Variants in NOD1 observed in about 807,000 individuals in gnomAD.
NOD1 encodes nucleotide-binding oligomerization domain-containing protein 1.
A neutral mutation model predicts 81.2 loss-of-function variants in NOD1; 70 were observed. That is an observed-to-expected ratio of 0.86 (90% CI 0.71 to 1.05). NOD1 has a LOEUF of 1.05. NOD1 is among the 50% of genes least tolerant of loss of function. The pLI is 0.00. For missense variants in NOD1, 1,233 were observed against 1,228.0 expected (o/e 1.00, Z -0.06); for synonymous variants, 508 against 526.9 (o/e 0.96, Z 0.49).
intron 10 of NOD1, 130 bp from the exon 11 acceptor site, chr7:30,436,211 C>T: frequency 1.5e-6 from 1 of 683,370 alleles, no homozygotes; most frequent in Non-Finnish European, 2.6e-6. Context: ...GGGCAGGATG[C>T]AGAAGTGTTC....
At chr7:30,427,149 C>A (rs955206837) in intron 13 of NOD1, among the ~76,000 whole-genome samples, 1 of 152,306 alleles carries the variant, frequency 6.6e-6, no homozygotes, top group Admixed American at 6.5e-5. Flanking sequence ...CAGCACTAGT[C>A]CCTAGGACCT....
At chr7:30,434,499 A>C (rs1167616981) in intron 11 of NOD1, among the ~76,000 whole-genome samples, 1 of 152,230 alleles carries the variant, frequency 6.6e-6, no homozygotes, top group Non-Finnish European at 1.5e-5. Context: ...CAAGATGGAG[A>C]AACCCTAAAG....
At chr7:30,453,062 G>A (rs750118983) in intron 5 of NOD1, 22 bp from the exon 6 acceptor site, 21 of 1,585,576 alleles carry the variant, frequency 1.3e-5, no homozygotes, top group Non-Finnish European at 1.7e-5. Context: ...GGGTGGCAGG[G>A]CACAGCAGCA....
Position 30,452,988 on chromosome 7 carries a change from G to A in NOD1, c.429C>T (p.Phe143=), listed in dbSNP as rs150469478. The change falls in exon 6 of 14, where the codon TTC becomes TTT. Residue 143 remains phenylalanine, a synonymous_variant. Transcript: ENST00000222823. ...LRHHLGRDSK[F]VLCYAQKEEL... ...CCTCCTTCTGGGCATAGCACAGCAC[G>A]AACTTGGAGTCACGGCCCAGATGGT... The A allele has an allele frequency of 3.2e-5, 52 of 1,613,650 alleles. No individual in the cohort carries two copies. The highest frequency in any genetic ancestry group is 1.6e-4 in the Middle Eastern group (1 of 6,084).
rs1789027475 is a variant in NOD1, at chr7:30,478,554, A to T, written c.-352+52T>A. 6.6e-6 allele frequency: 1 copy of T among 152,588 alleles called. No homozygotes were observed. The allele number at this position is 152,588 out of a possible 1,614,324, so 9.5% of individuals were successfully genotyped here. A position where few individuals can be genotyped will look rare whatever the true frequency, so the allele number is the denominator to read the frequency against. ...CTGCGCCTCCTCACTCGCAGCGCCC[A>T]GGACCTCAGAAAGGGCCTGCCCCGC... is the stretch of plus-strand genomic sequence containing the variant. On this transcript the variant is annotated intron_variant, in intron 1 of 13. Coordinates refer to ENST00000222823, the MANE Select transcript of NOD1 (RefSeq NM_006092.4). This position sits in a 1 kb window ranked among gnomAD's most constrained non-coding sequence, Gnocchi z 4.1.
intron 5 of NOD1, 67 bp from the exon 6 acceptor site, chr7:30,453,107 G>C (rs1785969616): frequency 6.6e-7 from 1 of 1,523,488 alleles, no homozygotes; most frequent in East Asian, 2.3e-5. Flanking sequence ...CATCAAACAG[G>C]GAGGTCTCAA....
At chr7:30,460,328 G>A (rs754864371) in intron 1 of NOD1, 127 of 985,408 alleles carry the variant, frequency 1.3e-4, no homozygotes, top group South Asian at 4.7e-5. Flanking sequence ...CTGGCCCTGG[G>A]GGGCAATCCT....
Position 30,467,945 on chromosome 7 carries a change from AC to A in NOD1, c.-351-7905del, listed in dbSNP as rs1369115497. ...TTGAACTCCTGACCTCAGGTGATCCACCTGCCTCGACCTCCCAAAGTGCTAG... is the reference window on the plus strand; with the variant it reads ...TTGAACTCCTGACCTCAGGTGATCCACTGCCTCGACCTCCCAAAGTGCTAG... On this transcript the variant is annotated intron_variant, in intron 1 of 13. Transcript: ENST00000222823. This position sits in a 1 kb window ranked among gnomAD's most constrained non-coding sequence, Gnocchi z 4.5. Among the ~76,000 whole-genome samples, 2 of 151,948 alleles carry A rather than the reference AC, an allele frequency of 1.3e-5. No homozygotes were observed. Among genetic ancestry groups the A allele is most frequent in the Non-Finnish European group, 2.9e-5 (2 of 67,974 alleles).
chr7:30,438,802 A>G (rs1407977089), intron 9 of NOD1, among the ~76,000 whole-genome samples: 4 of 152,256 alleles, frequency 2.6e-5, no homozygotes, highest in Non-Finnish European at 4.4e-5. Context: ...GTATAGATAC[A>G]TATAGTCTCA....
At chr7:30,429,974 C>T (rs770442351) in intron 12 of NOD1, among the ~76,000 whole-genome samples, 21 of 152,120 alleles carry the variant, frequency 1.4e-4, no homozygotes, top group Non-Finnish European at 2.2e-4. Flanking sequence ...GAGCCAAGAT[C>T]GTGCCACTGC....
At chr7:30,454,986 G>A (rs902848308) in intron 5 of NOD1, 151 bp downstream of exon 5, 9 of 734,220 alleles carry the variant, frequency 1.2e-5, no homozygotes, top group Non-Finnish European at 2.0e-5. Flanking sequence ...GGCTGCACTT[G>A]GGAGACAGGA....
At position 30,452,051 on chromosome 7, in the gene NOD1, C is replaced by T. The variant is rs748136700; in HGVS notation, c.1366G>A (p.Gly456Ser). The T allele has an allele frequency of 3.0e-5, 49 of 1,613,448 alleles. No individual in the cohort carries two copies. Among genetic ancestry groups the T allele is most frequent in the Middle Eastern group, 1.6e-4 (1 of 6,084 alleles). ...TRSPVETLHA[G>S]RDTLCSLGQV... The stretch of plus-strand genomic sequence containing the variant: ...CCCAGCGAGCACAGAGTGTCCCGGC[C>T]GGCGTGGAGGGTCTCCACTGGGCTG... The change falls in exon 6 of 14, where the codon GGC (glycine) becomes AGC (serine). Residue 456 changes from glycine (G) to serine (S), a missense_variant. Physicochemically the swap from Gly to Ser is moderately conservative, Grantham distance 56. Coordinates refer to ENST00000222823, the MANE Select transcript of NOD1 (RefSeq NM_006092.4).
chr7:30,474,213 AATCATCATAATCTTT>A (rs1285445785), intron 1 of NOD1, among the ~76,000 whole-genome samples: 1 of 152,264 alleles, frequency 6.6e-6, no homozygotes, highest in Non-Finnish European at 1.5e-5. Flanking sequence ...GAACCAAAGT[AATCATCATAATCTTT>A]ATCATCATAA....
chr7:30,426,651 A>G (rs187862154), intron 13 of NOD1, among the ~76,000 whole-genome samples: 17 of 152,112 alleles, frequency 1.1e-4, no homozygotes, highest in Admixed American at 7.2e-4. Context: ...CACTTTTAGG[A>G]TAAAGACCAA....
In NOD1 at chr7:30,452,079, TG is replaced by T; in HGVS notation, c.1337del (p.Thr446AsnfsTer168). On this transcript the variant is annotated frameshift_variant, in exon 6 of 14. Transcript: ENST00000222823. LOFTEE classifies it high-confidence loss of function. ...CGTGGAGGGTCTCCACTGGGCTGCG[TG>T]TGTTCCGCTGCACCAGGCTGCTGGG... ...MQPSSLVQRN[T>X]RSPVETLHAG... 2 of 1,613,582 alleles carry T rather than the reference TG, an allele frequency of 1.2e-6. No individual in the cohort carries two copies. Among genetic ancestry groups the T allele is most frequent in the Non-Finnish European group, 1.7e-6 (2 of 1,179,986 alleles).
chr7:30,431,667 T>C (rs1327727795), intron 12 of NOD1, among the ~76,000 whole-genome samples: 1 of 152,200 alleles, frequency 6.6e-6, no homozygotes, highest in African/African-American at 2.4e-5. Context: ...CAGACCTATA[T>C]GTGAGGGGAA....
At chr7:30,468,211 C>T (rs1290932829) in intron 1 of NOD1, among the ~76,000 whole-genome samples, 5 of 152,156 alleles carry the variant, frequency 3.3e-5, no homozygotes, top group African/African-American at 9.7e-5. Flanking sequence ...GGTTGCCAAA[C>T]GTTTCATTTC....
chr7:30,437,052 A>T (rs1784439158), intron 10 of NOD1, among the ~76,000 whole-genome samples: 1 of 152,226 alleles, frequency 6.6e-6, no homozygotes, highest in Non-Finnish European at 1.5e-5. Flanking sequence ...CCATAAAAAA[A>T]AATGAGATCA....
intron 1 of NOD1, chr7:30,468,846 AAAG>A (rs1324485242): frequency 2.0e-6 from 2 of 985,288 alleles, no homozygotes; most frequent in African/African-American, 1.7e-5. Context: ...TTTTACAAGT[AAAG>A]AAGATAATTA....
Sources: gnomAD v4.1 joint callset for allele counts (sites outside exome capture counted in the v4.1 genomes callset) on GRCh38, gnomAD v4.1.1 for gene constraint, Gnocchi (gnomAD v3.1) non-coding constraint, MANE v1.5 for transcripts, NCBI Gene and HGNC (gene_info 2026-07-23, HGNC 2026-07-21) for gene names.